The following SLC4A7 variants were observed in gnomAD, a reference collection of about 807,000 sequenced individuals.
SLC4A7 encodes the protein solute carrier family 4 member 7.
SLC4A7 carries 51 observed loss-of-function variants against 137.6 expected under a neutral mutation model. The observed-to-expected ratio is 0.37, with a 90% CI of 0.30 to 0.47. The LOEUF (loss-of-function observed/expected upper bound fraction) is 0.47. Among genes scored for constraint, SLC4A7 ranks in the 20% least tolerant of loss-of-function variants. The probability of loss-of-function intolerance (pLI) is 1.00; values close to 1 mark genes in which losing one functional copy is unlikely to be tolerated. For synonymous variants in SLC4A7, 542 were observed against 518.6 expected, an observed-to-expected ratio of 1.05 and a Z score of -0.61; for missense variants, 1,247 against 1,525.4, an observed-to-expected ratio of 0.82 and a Z score of 3.04.
chr3:27,440,779 C>G (rs907931023), intron 3 of SLC4A7, among the ~76,000 whole-genome samples: 1 of 151,318 alleles, frequency 6.6e-6, no homozygotes, highest in African/African-American at 2.4e-5. Flanking sequence ...TGTGGTGGCT[C>G]ACACCTGTAA....
chr3:27,465,030 G>T (rs2058906860), intron 1 of SLC4A7, among the ~76,000 whole-genome samples: 1 of 151,954 alleles, frequency 6.6e-6, no homozygotes, highest in South Asian at 2.1e-4. Flanking sequence ...ACAAGAACCC[G>T]GTTTTTTCTA....
At chr3:27,436,287 T>C in intron 5 of SLC4A7, 101 bp downstream of exon 5, 1 of 803,676 alleles carries the variant, frequency 1.2e-6, no homozygotes, top group Non-Finnish European at 1.9e-6. Flanking sequence ...TATTTCCTTA[T>C]ACTGCACTCC....
At chr3:27,397,921 A>AT (rs1453303286) in intron 17 of SLC4A7, 124 bp from the exon 18 acceptor site, 2 of 638,226 alleles carry the variant, frequency 3.1e-6, no homozygotes, top group Non-Finnish European at 5.3e-6. Context: ...ACTAGTGACA[A>AT]TGTTAACAGT....
intron 1 of SLC4A7, among the ~76,000 whole-genome samples, chr3:27,460,024 C>CAT (rs201915636): frequency 0.16 from 23,746 of 147,328 alleles, 2,277 homozygotes; most frequent in Non-Finnish European, 0.23. Flanking sequence ...TATATATACA[C>CAT]ATATATATAT....
Position 27,431,345 on chromosome 3 carries a change from A to C in SLC4A7, c.1103T>G (p.Leu368Arg), listed in dbSNP as rs747447062. 6.2e-7 allele frequency: 1 copy of C among 1,610,668 alleles called. No individual in the cohort carries two copies. The highest frequency in any genetic ancestry group is 1.7e-5 in the Admixed American group (1 of 59,412). ...HPPEEDLEAA[L>R]KGEEQKNEEN... ...CTCATTCTTCTGCTCCTCGCCTTTC[A>C]GCGCTGCTTCTAAGTCTTCCTCAGG... The change falls in exon 7 of 26, where the codon CTG (leucine) becomes CGG (arginine). Residue 368 changes from leucine (L) to arginine (R), a missense_variant. Transcript: ENST00000454389.
At chr3:27,422,696 G>A (rs1045354534) in intron 8 of SLC4A7, 7 of 427,940 alleles carry the variant, frequency 1.6e-5, no homozygotes, top group Admixed American at 7.8e-5. Flanking sequence ...ACCAAATTAT[G>A]TGAACTTCAT....
At chr3:27,422,540 A>T (rs1051607039) in intron 8 of SLC4A7, among the ~76,000 whole-genome samples, 1 of 152,134 alleles carries the variant, frequency 6.6e-6, no homozygotes, top group Non-Finnish European at 1.5e-5. Flanking sequence ...AAACACAGGG[A>T]TTACAGGCAT....
intron 1 of SLC4A7, chr3:27,456,780 C>G: frequency 6.5e-7 from 1 of 1,540,634 alleles, no homozygotes; most frequent in South Asian, 1.2e-5. Flanking sequence ...GGTCACTGTG[C>G]TTTGCAGAGA....
intron 3 of SLC4A7, among the ~76,000 whole-genome samples, chr3:27,447,674 T>A (rs1354724060): frequency 7.0e-6 from 1 of 142,232 alleles, no homozygotes; most frequent in African/African-American, 2.6e-5. Context: ...GGCTCTTTCC[T>A]TTCCCACTCT....
At chr3:27,466,383 C>T (rs922510198) in intron 1 of SLC4A7, among the ~76,000 whole-genome samples, 1 of 149,560 alleles carries the variant, frequency 6.7e-6, no homozygotes, top group Non-Finnish European at 1.5e-5. Flanking sequence ...CCCCGGGGGA[C>T]GGAGCCTGCA....
chr3:27,481,824 T>C (rs149909041), intron 1 of SLC4A7, among the ~76,000 whole-genome samples: 125 of 152,244 alleles, frequency 8.2e-4, no homozygotes, highest in Non-Finnish European at 1.5e-3. Flanking sequence ...GTCTCCCAAC[T>C]CAAATATCAC....
intron 11 of SLC4A7, 142 bp downstream of exon 11, chr3:27,418,344 C>A (rs2054596294): frequency 1.6e-6 from 1 of 632,188 alleles, no homozygotes. Context: ...GGTCCACCCA[C>A]AGGAGGTAAG....
chr3:27,382,588 A>G (rs2050536870), intron 24 of SLC4A7, among the ~76,000 whole-genome samples: 2 of 152,210 alleles, frequency 1.3e-5, no homozygotes, highest in African/African-American at 4.8e-5. Context: ...CGAATAATGA[A>G]TTATACATAA....
Position 27,373,185 on chromosome 3 carries a change from C to A in SLC4A7, c.*3579G>T, listed in dbSNP as rs1201648262. 6.6e-6 allele frequency: 1 copy of A among 151,628 alleles called. No homozygotes were observed. The highest frequency in any genetic ancestry group is 2.4e-5 in the African/African-American group (1 of 41,276). 9.4% of individuals were successfully genotyped at this position (151,628 alleles called of 1,614,324 possible). On this transcript the variant is annotated 3_prime_UTR_variant, in exon 26 of 26. Coordinates refer to ENST00000454389, the MANE Select transcript of SLC4A7 (RefSeq NM_001321103.2). ...CAAAACTGGGGTTTAACAATTAAGT[C>A]AAATGTTCAATATGTGCTAATTAAA...
At chr3:27,448,867 C>A (rs2057866913) in intron 2 of SLC4A7, 70 bp from the exon 3 acceptor site, 2 of 1,057,360 alleles carry the variant, frequency 1.9e-6, no homozygotes, top group Non-Finnish European at 2.7e-6. Context: ...CAAAAGTACT[C>A]CAAAATCTAC....
chr3:27,439,060 C>T (rs1373849476), intron 3 of SLC4A7, among the ~76,000 whole-genome samples: 1 of 152,160 alleles, frequency 6.6e-6, no homozygotes, highest in African/African-American at 2.4e-5. Flanking sequence ...CAAACAGTTA[C>T]CCTGAATATG....
intron 1 of SLC4A7, among the ~76,000 whole-genome samples, chr3:27,453,037 A>C (rs1422275460): frequency 1.3e-5 from 2 of 152,308 alleles, no homozygotes; most frequent in East Asian, 3.9e-4. Flanking sequence ...CCAAAGTAAA[A>C]TTCATGCCAA....
chr3:27,377,460 T>G (rs915422810), intron 25 of SLC4A7, among the ~76,000 whole-genome samples: 7 of 152,150 alleles, frequency 4.6e-5, no homozygotes, highest in Non-Finnish European at 1.0e-4. Flanking sequence ...TGGCACAATC[T>G]CGGCTCACTG....
At chr3:27,434,711 C>T (rs1482823191) in intron 5 of SLC4A7, among the ~76,000 whole-genome samples, 1 of 151,928 alleles carries the variant, frequency 6.6e-6, no homozygotes, top group African/African-American at 2.4e-5. Flanking sequence ...GATGGCAATG[C>T]CATTTTATAC....
Sources: allele counts gnomAD v4.1 joint callset (sites outside exome capture counted in the v4.1 genomes callset), GRCh38; gene constraint gnomAD v4.1.1; transcripts MANE v1.5; gene names NCBI Gene and HGNC (gene_info 2026-07-23, HGNC 2026-07-21).